The following CALN1 variants were observed in gnomAD, a reference collection of about 807,000 sequenced individuals.
The protein encoded by CALN1 is calcium-binding protein 8.
CALN1 carries 17 observed loss-of-function variants against 30.6 expected under a neutral mutation model. The ratio of observed to expected loss-of-function variants is 0.56; its 90% CI spans 0.38 to 0.83. CALN1 has a LOEUF of 0.83. Among genes scored for constraint, CALN1 ranks in the 40% least tolerant of loss-of-function variants. The pLI, the probability that CALN1 is intolerant of heterozygous loss-of-function variation, is 0.00. For missense variants in CALN1, 291 were observed against 354.9 expected, an observed-to-expected ratio of 0.82 and a Z score of 1.45; for synonymous variants, 156 against 131.4, an observed-to-expected ratio of 1.19 and a Z score of -1.28.
intron 2 of CALN1, among the ~76,000 whole-genome samples, chr7:72,303,325 A>T (rs978031823): frequency 1.3e-5 from 2 of 152,098 alleles, no homozygotes; most frequent in Non-Finnish European, 2.9e-5. Flanking sequence ...AAGAAACTGC[A>T]TACCAGGTGG....
chr7:71,947,327 A>G (rs558555054), intron 5 of CALN1, among the ~76,000 whole-genome samples: 11 of 152,022 alleles, frequency 7.2e-5, no homozygotes, highest in Non-Finnish European at 2.9e-5. Context: ...AGTTTTATGT[A>G]CATTATCTCA....
chr7:72,298,588 T>C (rs1437443374), intron 2 of CALN1, among the ~76,000 whole-genome samples: 1 of 152,182 alleles, frequency 6.6e-6, no homozygotes, highest in African/African-American at 2.4e-5. Context: ...AGACGTTCTG[T>C]AAAGCCTCTT....
intron 1 of CALN1, among the ~76,000 whole-genome samples, chr7:72,411,319 A>G (rs751672685): frequency 4.6e-5 from 7 of 152,228 alleles, no homozygotes; most frequent in Admixed American, 6.5e-5. Context: ...TTTCCACGTG[A>G]GACCTAAGTC....
At chr7:72,325,592 ACT>A (rs1222520024) in intron 2 of CALN1, among the ~76,000 whole-genome samples, 2 of 152,026 alleles carry the variant, frequency 1.3e-5, no homozygotes, top group Admixed American at 6.6e-5. Context: ...CGAGATTGAA[ACT>A]CTGTCTCGAA....
intron 5 of CALN1, among the ~76,000 whole-genome samples, chr7:71,828,242 G>A (rs991099148): frequency 3.9e-5 from 6 of 152,040 alleles, no homozygotes; most frequent in Admixed American, 2.0e-4. Context: ...GATCTGACCC[G>A]CTGGAGTGCA....
chr7:72,181,995 A>G (rs564508027), intron 3 of CALN1, among the ~76,000 whole-genome samples: 1 of 152,308 alleles, frequency 6.6e-6, no homozygotes, highest in East Asian at 1.9e-4. Flanking sequence ...GCTGTTTATA[A>G]ACACAGCATT....
chr7:72,415,459 C>T (rs899563402), upstream of CALN1, among the ~76,000 whole-genome samples: 2 of 152,204 alleles, frequency 1.3e-5, no homozygotes, highest in Non-Finnish European at 2.9e-5. Flanking sequence ...GTGAGTATGG[C>T]CCGGCATTGC....
chr7:72,154,192 C>G (rs554964827), intron 3 of CALN1, among the ~76,000 whole-genome samples: 3 of 150,616 alleles, frequency 2.0e-5, no homozygotes, highest in South Asian at 2.1e-4. Context: ...TAGGGCCAGA[C>G]AAACTGCTTC....
At chr7:72,268,151 G>T (rs1195080717) in intron 3 of CALN1, among the ~76,000 whole-genome samples, 1 of 152,166 alleles carries the variant, frequency 6.6e-6, no homozygotes, top group African/African-American at 2.4e-5. Flanking sequence ...CTGTGATGAT[G>T]ATTATGATGA....
chr7:72,058,821 A>C (rs1803454689), intron 4 of CALN1, among the ~76,000 whole-genome samples: 1 of 152,174 alleles, frequency 6.6e-6, no homozygotes, highest in African/African-American at 2.4e-5. Flanking sequence ...ATGCAGTGCA[A>C]AAGGACAGTG....
intron 2 of CALN1, among the ~76,000 whole-genome samples, chr7:72,291,247 C>T (rs1798459568): frequency 6.6e-6 from 1 of 152,108 alleles, no homozygotes; most frequent in Non-Finnish European, 1.5e-5. Context: ...TGACTTATTT[C>T]ATATTTTTCT....
At chr7:72,008,392 G>C (rs1799889691) in intron 5 of CALN1, among the ~76,000 whole-genome samples, 1 of 151,150 alleles carries the variant, frequency 6.6e-6, no homozygotes, top group Admixed American at 6.6e-5. Context: ...ATACGAAGAA[G>C]AAAATTTATA....
chr7:72,208,002 GT>G (rs1792019099), intron 3 of CALN1, among the ~76,000 whole-genome samples: 1 of 152,094 alleles, frequency 6.6e-6, no homozygotes, highest in Non-Finnish European at 1.5e-5. Flanking sequence ...TCTTATCAAT[GT>G]ATTGTTAAAC....
chr7:71,847,835 GAGAAGGAGAAGGAGA>G (rs1790400193), intron 5 of CALN1, among the ~76,000 whole-genome samples: 1 of 93,802 alleles, frequency 1.1e-5, no homozygotes, highest in Non-Finnish European at 2.0e-5. Context: ...GAAGGAGAAG[GAGAAGGAGAAGGAGA>G]AGAAGAAGAG....
At chr7:71,994,349 TAAA>T (rs1451725481) in intron 5 of CALN1, among the ~76,000 whole-genome samples, 1 of 151,784 alleles carries the variant, frequency 6.6e-6, no homozygotes, top group Non-Finnish European at 1.5e-5. Flanking sequence ...CCGTCTCTAC[TAAA>T]AATACAAAAA....
intron 5 of CALN1, among the ~76,000 whole-genome samples, chr7:71,996,847 A>T (rs1424609168): frequency 6.6e-6 from 1 of 152,248 alleles, no homozygotes; most frequent in East Asian, 1.9e-4. Flanking sequence ...TACTGAAACA[A>T]ATGAAACATA....
chr7:72,311,050 T>C (rs1180970822), intron 2 of CALN1, among the ~76,000 whole-genome samples: 1 of 152,054 alleles, frequency 6.6e-6, no homozygotes, highest in Non-Finnish European at 1.5e-5. Context: ...CTTTCTCTCC[T>C]GCATCCCTTC....
At chr7:72,019,954 A>G (rs558169767) in intron 5 of CALN1, among the ~76,000 whole-genome samples, 8 of 152,332 alleles carry the variant, frequency 5.3e-5, no homozygotes, top group Admixed American at 2.6e-4. Context: ...AAGCCTTGCT[A>G]GAGTCTCTTA....
chr7:72,411,807 T>TAAAC (rs376251367), intron 1 of CALN1, among the ~76,000 whole-genome samples: 1 of 151,720 alleles, frequency 6.6e-6, no homozygotes, highest in African/African-American at 2.4e-5. Context: ...TTTAAAGTAA[T>TAAAC]AAGAAAAGAA....
Sources: gnomAD v4.1 joint callset for allele counts (sites outside exome capture counted in the v4.1 genomes callset) on GRCh38, gnomAD v4.1.1 for gene constraint, MANE v1.5 for transcripts, NCBI Gene and HGNC (gene_info 2026-07-23, HGNC 2026-07-21) for gene names.